CUBN: variants seen among roughly 807,000 people sequenced by gnomAD.
CUBN encodes 460 kDa receptor.
In CUBN, 282 loss-of-function variants were observed where a neutral mutation model predicts 405.3. The ratio of observed to expected loss-of-function variants is 0.70; its 90% confidence interval spans 0.63 to 0.77. The LOEUF is 0.77. Ranked by LOEUF, CUBN falls within the 30% of genes least tolerant of loss-of-function variation. The pLI, the probability that CUBN is intolerant of heterozygous loss-of-function variation, is 0.00. For missense variants in CUBN, 4,514 were observed against 4,475.2 expected, an observed-to-expected ratio of 1.01 and a Z score of -0.25; for synonymous variants, 1,684 against 1,617.0, an observed-to-expected ratio of 1.04 and a Z score of -0.99.
At chr10:17,077,384 A>G (rs778116870) in intron 17 of CUBN, among the ~76,000 whole-genome samples, 2 of 152,210 alleles carry the variant, frequency 1.3e-5, no homozygotes, top group South Asian at 2.1e-4. Context: ...CACCATTTAC[A>G]TGAAATTTTA....
rs535206668 is a variant in CUBN at position 16,913,378 on chromosome 10, T to A, written c.7533+433A>T. On this transcript the variant is annotated intron_variant, in intron 48 of 66. Coordinates refer to ENST00000377833, the MANE Select transcript of CUBN (RefSeq NM_001081.4). ...CCACTGGAGGTTGGTGACATGGAGG[T>A]CACGTAGCAGTGCTCTCCCACCAAG... is the stretch of plus-strand genomic sequence containing the variant. Among the ~76,000 whole-genome samples, 9 of 152,166 alleles carry A rather than the reference T, an allele frequency of 5.9e-5. No individual in the cohort carries two copies. The South Asian group carries it at 1.9e-3, about 32-fold the overall frequency.
intron 17 of CUBN, among the ~76,000 whole-genome samples, chr10:17,072,796 AT>A (rs1234237277): frequency 6.6e-6 from 1 of 152,138 alleles, no homozygotes; most frequent in East Asian, 1.9e-4. Flanking sequence ...AGATACTAAG[AT>A]TTTTTTAAAT....
At chr10:17,096,289 A>T (rs766319949) in intron 14 of CUBN, among the ~76,000 whole-genome samples, 1 of 152,128 alleles carries the variant, frequency 6.6e-6, no homozygotes, top group Non-Finnish European at 1.5e-5. Flanking sequence ...AAATATTTTC[A>T]CCATATTGAC....
chr10:17,071,995 A>T (rs369522575), intron 17 of CUBN, 24 bp from the exon 18 acceptor site: 9 of 1,594,196 alleles, frequency 5.6e-6, no homozygotes, highest in Non-Finnish European at 7.7e-6. Flanking sequence ...TAAAATAGAG[A>T]TGTAATTCAA....
intron 27 of CUBN, among the ~76,000 whole-genome samples, chr10:17,022,769 G>GTAAT (rs1413812987): frequency 6.6e-6 from 1 of 152,202 alleles, no homozygotes; most frequent in African/African-American, 2.4e-5. Flanking sequence ...AAGTAGTGGA[G>GTAAT]TAATTAGCAA....
intron 22 of CUBN, among the ~76,000 whole-genome samples, chr10:17,051,346 T>C (rs1056924201): frequency 6.6e-6 from 1 of 151,414 alleles, no homozygotes; most frequent in African/African-American, 2.4e-5. Flanking sequence ...GGCGACAGAG[T>C]GAGAGTCCGT....
intron 31 of CUBN, among the ~76,000 whole-genome samples, chr10:16,974,341 A>C (rs1041483619): frequency 7.9e-5 from 12 of 151,960 alleles, no homozygotes; most frequent in African/African-American, 2.9e-4. Context: ...CTCACTTCTT[A>C]TTTTAATGTC....
In CUBN at chr10:16,848,811, TC is replaced by T. The variant is rs1396829480; in HGVS notation, c.9663+2423del. Among the ~76,000 whole-genome samples the T allele has an allele frequency of 3.4e-5, 5 of 148,776 alleles. No individual in the cohort carries two copies. In the East Asian group the frequency reaches 1.0e-3, roughly 31 times the overall value. ...ATACCTTCTGGGTTCAGGGGATCCT[TC>T]CACCTCAGTCTCCCGAGAAGCTGGT... On this transcript the variant is annotated intron_variant, in intron 60 of 66. Transcript: ENST00000377833.
intron 31 of CUBN, among the ~76,000 whole-genome samples, chr10:16,968,788 G>T (rs189978486): frequency 6.6e-6 from 1 of 152,380 alleles, no homozygotes; most frequent in East Asian, 1.9e-4. Context: ...GAAACGTAAT[G>T]AAGCCACTTG....
At position 16,920,119 on chromosome 10, in the gene CUBN, T is replaced by G. The variant is rs1352846452; in HGVS notation, c.6665A>C (p.Tyr2222Ser). ...AKSLACGGNV[Y>S]IHDADSAGYV... ...CCCAGCAGAATCAGCATCATGGATGTAGACGTTGCCCCCACAGGCTGTGAG... is the reference window on the plus strand; with the variant it reads ...CCCAGCAGAATCAGCATCATGGATGGAGACGTTGCCCCCACAGGCTGTGAG... Residue 2222 changes from tyrosine to serine, a missense_variant, in exon 44 of 67, where the codon TAC (tyrosine) becomes TCC (serine). By Grantham distance (144) the Tyr-to-Ser change is moderately radical. Coordinates refer to ENST00000377833, the MANE Select transcript of CUBN (RefSeq NM_001081.4). 2 of 1,614,010 alleles carry G rather than the reference T, an allele frequency of 1.2e-6. No homozygotes were observed. Among genetic ancestry groups the G allele is most frequent in the South Asian group, 2.2e-5 (2 of 91,078 alleles).
At chr10:16,987,985 C>A (rs1416132435) in intron 29 of CUBN, among the ~76,000 whole-genome samples, 2 of 152,174 alleles carry the variant, frequency 1.3e-5, no homozygotes, top group South Asian at 2.1e-4. Flanking sequence ...AAGCCCCAAG[C>A]AGACTGTGCG....
At chr10:17,027,783 C>T (rs1043919922) in intron 27 of CUBN, among the ~76,000 whole-genome samples, 1 of 152,116 alleles carries the variant, frequency 6.6e-6, no homozygotes, top group Non-Finnish European at 1.5e-5. Flanking sequence ...TGAAATGTTA[C>T]CATGTAAGGT....
intron 14 of CUBN, among the ~76,000 whole-genome samples, chr10:17,091,053 T>C (rs1313393055): frequency 6.6e-6 from 1 of 152,168 alleles, no homozygotes; most frequent in Non-Finnish European, 1.5e-5. Flanking sequence ...CAGAGCTCTT[T>C]AGGGAAATCA....
intron 17 of CUBN, among the ~76,000 whole-genome samples, 174 bp downstream of exon 17, chr10:17,084,097 T>G (rs1836039254): frequency 6.6e-6 from 1 of 152,218 alleles, no homozygotes; most frequent in Non-Finnish European, 1.5e-5. Flanking sequence ...GTACATCCTA[T>G]CAGCCTTATT....
intron 31 of CUBN, among the ~76,000 whole-genome samples, chr10:16,958,023 T>C (rs894319495): frequency 3.3e-5 from 5 of 152,198 alleles, no homozygotes; most frequent in African/African-American, 1.2e-4. Flanking sequence ...TATTGTTTCT[T>C]CCCTCTCACA....
chr10:16,874,791 G>A (rs958561455), intron 57 of CUBN, among the ~76,000 whole-genome samples: 3 of 152,080 alleles, frequency 2.0e-5, no homozygotes, highest in African/African-American at 4.8e-5. Flanking sequence ...TGAAAATGAC[G>A]AGCAGGAACA....
At position 16,913,993 on chromosome 10, in the gene CUBN, C is replaced by CT. The variant is rs759049631; in HGVS notation, c.7352-2dup. The CT allele has an allele frequency of 9.9e-6, 16 of 1,613,912 alleles. No individual in the cohort carries two copies. The highest frequency in any genetic ancestry group is 1.2e-5 in the Non-Finnish European group (14 of 1,179,960). ...GAGCCCTGAAGATCCCCACCACACT[C>CT]TGACGTGGGGAAAAAGCCAAGAAAA... is the stretch of plus-strand genomic sequence containing the variant. On this transcript the variant is annotated splice_acceptor_variant, in intron 47 of 66. Transcript: ENST00000377833. LOFTEE classifies it high-confidence loss of function.
intron 36 of CUBN, among the ~76,000 whole-genome samples, chr10:16,942,404 A>G (rs1842675628): frequency 6.6e-6 from 1 of 152,198 alleles, no homozygotes; most frequent in African/African-American, 2.4e-5. Context: ...AAATAACCCA[A>G]TTAAAATGGA....
chr10:16,960,801 G>T (rs1172783148), intron 31 of CUBN, among the ~76,000 whole-genome samples: 1 of 152,136 alleles, frequency 6.6e-6, no homozygotes, highest in Non-Finnish European at 1.5e-5. Flanking sequence ...TGCTTTCTGG[G>T]CAGGCTTCCT....
Sources: allele counts gnomAD v4.1 joint callset (sites outside exome capture counted in the v4.1 genomes callset), GRCh38; gene constraint gnomAD v4.1.1; transcripts MANE v1.5; gene names NCBI Gene and HGNC (gene_info 2026-07-23, HGNC 2026-07-21).